Variants in FGGY observed in about 807,000 individuals in gnomAD.
The protein encoded by FGGY is FGGY carbohydrate kinase domain-containing protein.
FGGY carries 72 observed loss-of-function variants against 71.3 expected under a neutral mutation model. That is an observed-to-expected ratio of 1.01 (90% CI 0.84 to 1.23). The LOEUF is 1.23. Among genes scored for constraint, FGGY ranks in the 50% most tolerant of loss-of-function variants. The probability of loss-of-function intolerance (pLI) is 0.00; values close to 1 mark genes in which losing one functional copy is unlikely to be tolerated. For synonymous variants in FGGY, 251 were observed against 250.3 expected, an observed-to-expected ratio of 1.00 and a Z score of -0.02; for missense variants, 668 against 682.3, an observed-to-expected ratio of 0.98 and a Z score of 0.23.
chr1:59,675,258 G>A (rs891032989), intron 14 of FGGY, among the ~76,000 whole-genome samples: 12 of 152,112 alleles, frequency 7.9e-5, no homozygotes, highest in Non-Finnish European at 1.6e-4. Context: ...TAGTAGCTCA[G>A]TAATTAGAGC....
Position 59,339,987 on chromosome 1 carries a change from A to C in FGGY, c.231A>C (p.Gln77His). 6.2e-7 allele frequency: 1 copy of C among 1,613,248 alleles called. No individual in the cohort carries two copies. Among genetic ancestry groups the C allele is most frequent in the East Asian group, 2.2e-5 (1 of 44,874 alleles). The stretch of plus-strand genomic sequence containing the variant: ...TTGTACAAGGGATTGATTTAAACCA[A>C]ATTCGAGGACTTGGGTTTGATGCCA... ...KKVVQGIDLNQIRGLGFDATC... is the reference protein window; with the variant it reads ...KKVVQGIDLNHIRGLGFDATC... The change falls in exon 3 of 16, where the codon CAA becomes CAC. Residue 77 changes from glutamine to histidine, a missense_variant. Physicochemically the swap from Gln to His is conservative, Grantham distance 24. This residue lies in a region of FGGY where 661 missense variants were observed against 661.6 expected (regional missense o/e 1.00). Coordinates refer to ENST00000303721, the MANE Select transcript of FGGY (RefSeq NM_018291.5).
intron 6 of FGGY, among the ~76,000 whole-genome samples, chr1:59,485,662 G>C (rs1050270975): frequency 5.3e-5 from 8 of 152,132 alleles, no homozygotes; most frequent in Non-Finnish European, 7.4e-5. Flanking sequence ...AATAAAAATG[G>C]TGACTCATAA....
At chr1:59,679,753 C>T (rs763258841) in intron 14 of FGGY, among the ~76,000 whole-genome samples, 16 of 151,902 alleles carry the variant, frequency 1.1e-4, no homozygotes, top group Admixed American at 2.0e-4. Context: ...AGACCTTTTT[C>T]CTATACTCAA....
intron 2 of FGGY, among the ~76,000 whole-genome samples, chr1:59,337,624 A>G (rs1334522150): frequency 6.6e-6 from 1 of 152,148 alleles, no homozygotes; most frequent in Non-Finnish European, 1.5e-5. Flanking sequence ...TGCTATTGTG[A>G]ATGGGATTAT....
chr1:59,585,824 G>C (rs1411884031), intron 8 of FGGY, among the ~76,000 whole-genome samples: 2 of 151,910 alleles, frequency 1.3e-5, no homozygotes, highest in East Asian at 3.9e-4. Flanking sequence ...AAATTTGCAA[G>C]AAAAAAACCC....
At chr1:59,546,375 C>T (rs906832530) in intron 7 of FGGY, among the ~76,000 whole-genome samples, 12 of 113,796 alleles carry the variant, frequency 1.1e-4, no homozygotes, top group Admixed American at 6.7e-4. Flanking sequence ...GTTTACATCT[C>T]ATGTAGAAAA....
chr1:59,645,082 G>A (rs943977193), intron 11 of FGGY, among the ~76,000 whole-genome samples: 1 of 152,140 alleles, frequency 6.6e-6, no homozygotes, highest in African/African-American at 2.4e-5. Context: ...TTGTTGAATG[G>A]TTTTTACCAC....
intron 1 of FGGY, among the ~76,000 whole-genome samples, chr1:59,311,391 C>T (rs1335925283): frequency 6.6e-6 from 1 of 151,862 alleles, no homozygotes; most frequent in African/African-American, 2.4e-5. Flanking sequence ...TCCCTCCCCT[C>T]GTCCCCCCAC....
intron 14 of FGGY, among the ~76,000 whole-genome samples, chr1:59,722,190 A>C (rs1183147234): frequency 1.4e-5 from 2 of 147,046 alleles, no homozygotes; most frequent in African/African-American, 5.0e-5. Flanking sequence ...TCATGATTGG[A>C]GTTTTGGTCT....
At chr1:59,665,989 A>G (rs968487160) in intron 12 of FGGY, among the ~76,000 whole-genome samples, 4 of 152,046 alleles carry the variant, frequency 2.6e-5, no homozygotes, top group East Asian at 1.9e-4. Context: ...CCTATTCCTT[A>G]CCTTGGCTAA....
chr1:59,356,609 A>T (rs2054362532), intron 4 of FGGY, among the ~76,000 whole-genome samples: 1 of 152,172 alleles, frequency 6.6e-6, no homozygotes, highest in African/African-American at 2.4e-5. Flanking sequence ...ATATATTTTG[A>T]TGGGTGGATG....
chr1:59,369,145 G>A (rs1202160273), intron 4 of FGGY, among the ~76,000 whole-genome samples: 1 of 152,204 alleles, frequency 6.6e-6, no homozygotes, highest in East Asian at 1.9e-4. Context: ...GGGTCAGGGA[G>A]TTCCCTTTCC....
Position 59,431,109 on chromosome 1 carries a change from C to G in FGGY, c.555-25852C>G, listed in dbSNP as rs142757665. ...CCTAACTAGGCTCCCTGGGTCCAGT[C>G]ATCTTTGCCTTTCCTCCAACTTCTC... On this transcript the variant is annotated intron_variant, in intron 5 of 15. Transcript: ENST00000303721. 4.6e-3 allele frequency among the ~76,000 whole-genome samples: 701 copies of G among 152,276 alleles called. 5 individuals carry two copies. Among genetic ancestry groups the G allele is most frequent in the African/African-American group, 0.016 (677 of 41,530 alleles).
chr1:59,638,337 A>G lies in FGGY; in HGVS notation c.1183A>G (p.Asn395Asp). ...ACATGTTTGGCCAGATTTCCATGGC[A>G]ACCGGTCTCCCTTAGCAGATCTGAC... ...DLHVWPDFHGNRSPLADLTLK... is the reference protein window; with the variant it reads ...DLHVWPDFHGDRSPLADLTLK... Residue 395 changes from asparagine to aspartate, a missense_variant, in exon 11 of 16, where the codon AAC becomes GAC. This residue lies in a region of FGGY where 661 missense variants were observed against 661.6 expected (regional missense o/e 1.00). Coordinates refer to ENST00000303721, the MANE Select transcript of FGGY (RefSeq NM_018291.5). The G allele has an allele frequency of 1.2e-6, 2 of 1,614,264 alleles. No homozygotes were observed. Among genetic ancestry groups the G allele is most frequent in the Admixed American group, 3.3e-5 (2 of 60,032 alleles).
At chr1:59,620,970 A>G (rs2096800898) in intron 9 of FGGY, among the ~76,000 whole-genome samples, 1 of 152,102 alleles carries the variant, frequency 6.6e-6, no homozygotes. Context: ...AACAACAGAC[A>G]TTTATTTCCT....
intron 5 of FGGY, among the ~76,000 whole-genome samples, chr1:59,434,334 G>A (rs1177244728): frequency 6.6e-6 from 1 of 152,222 alleles, no homozygotes; most frequent in East Asian, 1.9e-4. Flanking sequence ...AGTGGGGGCT[G>A]GAGGGAGGTA....
At chr1:59,340,152 G>A (rs371141899) in intron 3 of FGGY, 83 bp downstream of exon 3, 8 of 862,312 alleles carry the variant, frequency 9.3e-6, no homozygotes, top group East Asian at 5.3e-5. Context: ...AGGAGGGCAG[G>A]CGTCTCTTGC....
At chr1:59,696,628 A>G (rs531647603) in intron 14 of FGGY, among the ~76,000 whole-genome samples, 15 of 152,282 alleles carry the variant, frequency 9.9e-5, no homozygotes, top group Middle Eastern at 6.8e-3. Context: ...AGGCCTTTCA[A>G]TTGTTTTCTT....
intron 15 of FGGY, among the ~76,000 whole-genome samples, chr1:59,760,721 A>G (rs966110414): frequency 6.6e-6 from 1 of 152,216 alleles, no homozygotes; most frequent in Non-Finnish European, 1.5e-5. Context: ...GATTCCACCT[A>G]TGTAAAGAAT....
Sources: gnomAD v4.1 joint callset for allele counts (sites outside exome capture counted in the v4.1 genomes callset) on GRCh38, gnomAD v4.1.1 for gene constraint, gnomAD v4.1.1 regional missense constraint, MANE v1.5 for transcripts, NCBI Gene and HGNC (gene_info 2026-07-23, HGNC 2026-07-21) for gene names.